The following ATRNL1 variants were observed in gnomAD, a reference collection of about 807,000 sequenced individuals.
ATRNL1 encodes the protein attractin like 1.
In ATRNL1, 95 loss-of-function variants were observed where a neutral mutation model predicts 182.7. The observed-to-expected ratio is 0.52, with a 90% CI of 0.44 to 0.62. The LOEUF is 0.62. Ranked by LOEUF, ATRNL1 falls within the 20% of genes least tolerant of loss-of-function variation. ATRNL1 has a pLI of 0.00. For synonymous variants in ATRNL1, 576 were observed against 568.3 expected (o/e 1.01, Z -0.19); for missense variants, 1,471 against 1,679.5 (o/e 0.88, Z 2.17).
At chr10:115,487,734 C>T (rs1250162969) in intron 24 of ATRNL1, among the ~76,000 whole-genome samples, 5 of 152,092 alleles carry the variant, frequency 3.3e-5, no homozygotes, top group African/African-American at 9.7e-5. Context: ...TTTCTCTTGC[C>T]TGATTGCCCT....
chr10:115,307,919 T>C (rs1409946307), intron 17 of ATRNL1, among the ~76,000 whole-genome samples: 1 of 126,318 alleles, frequency 7.9e-6, no homozygotes, highest in Non-Finnish European at 1.7e-5. Flanking sequence ...ATAAATTATA[T>C]ATATTTACAT....
chr10:115,451,040 G>T (rs583767), intron 21 of ATRNL1, among the ~76,000 whole-genome samples: 2,151 of 152,030 alleles, frequency 0.014, 14 homozygotes, highest in Non-Finnish European at 0.023. Flanking sequence ...TTTTCAATCA[G>T]TGGTGCTGGG....
intron 19 of ATRNL1, among the ~76,000 whole-genome samples, chr10:115,344,861 A>C (rs943762356): frequency 6.6e-6 from 1 of 152,192 alleles, no homozygotes; most frequent in Non-Finnish European, 1.5e-5. Flanking sequence ...GAATGCTTCC[A>C]GGACTGGGTC....
chr10:115,768,328 A>C (rs958193492), intron 27 of ATRNL1, among the ~76,000 whole-genome samples: 5 of 152,026 alleles, frequency 3.3e-5, no homozygotes, highest in Non-Finnish European at 7.4e-5. Flanking sequence ...TGTTGTAGAG[A>C]TGCTTAAAAA....
chr10:115,307,568 G>C (rs891090781), intron 17 of ATRNL1, among the ~76,000 whole-genome samples: 3 of 152,090 alleles, frequency 2.0e-5, no homozygotes, highest in Admixed American at 1.3e-4. Context: ...GGCCTCCACA[G>C]GTTTTTTATT....
intron 25 of ATRNL1, among the ~76,000 whole-genome samples, chr10:115,545,769 A>G (rs925277458): frequency 7.2e-5 from 11 of 152,218 alleles, no homozygotes; most frequent in Admixed American, 1.3e-4. Context: ...TATATACACT[A>G]TTATTTGCTA....
chr10:115,822,776 G>A (rs367956590), intron 27 of ATRNL1, among the ~76,000 whole-genome samples: 5 of 152,038 alleles, frequency 3.3e-5, no homozygotes, highest in South Asian at 2.1e-4. Flanking sequence ...TTCTGAAATC[G>A]AGGCAGTAAC....
intron 20 of ATRNL1, among the ~76,000 whole-genome samples, chr10:115,422,139 T>C (rs187421319): frequency 4.0e-4 from 61 of 152,274 alleles, no homozygotes; most frequent in Non-Finnish European, 1.2e-4. Context: ...CTGGCAAAGA[T>C]TTCATGACGA....
At position 115,215,881 on chromosome 10, in the gene ATRNL1, G is replaced by C; in HGVS notation, c.1532+1G>C. On this transcript the variant is annotated splice_donor_variant, in intron 9 of 28. Transcript: ENST00000355044. LOFTEE classifies it high-confidence loss of function. Reference sequence around the variant, plus strand: ...AATATGAAGTTAACACTAAGACTTGGTGAGTACACAAAATAACACATTTTC... The same window carrying C: ...AATATGAAGTTAACACTAAGACTTGCTGAGTACACAAAATAACACATTTTC... 6.5e-7 allele frequency: 1 copy of C among 1,531,474 alleles called. No individual in the cohort carries two copies. The highest frequency in any genetic ancestry group is 1.3e-5 in the South Asian group (1 of 76,710). 94.9% of individuals were successfully genotyped at this position (1,531,474 alleles called of 1,614,324 possible).
At chr10:115,237,443 T>C (rs2133809639) in intron 9 of ATRNL1, among the ~76,000 whole-genome samples, 1 of 152,352 alleles carries the variant, frequency 6.6e-6, no homozygotes, top group South Asian at 2.1e-4. Flanking sequence ...TGTGTAGTGG[T>C]ATTTCACTGT....
intron 20 of ATRNL1, among the ~76,000 whole-genome samples, chr10:115,424,242 C>G (rs1341840338): frequency 6.6e-6 from 1 of 152,124 alleles, no homozygotes; most frequent in Non-Finnish European, 1.5e-5. Context: ...CCACCTCACA[C>G]TAGTTAGAAT....
At chr10:115,822,088 C>T (rs1950314900) in intron 27 of ATRNL1, among the ~76,000 whole-genome samples, 1 of 152,140 alleles carries the variant, frequency 6.6e-6, no homozygotes, top group South Asian at 2.1e-4. Context: ...TCTCTTAGAC[C>T]ACAGTGCAAT....
chr10:115,686,554 T>A (rs548650674), intron 26 of ATRNL1, among the ~76,000 whole-genome samples: 1 of 152,026 alleles, frequency 6.6e-6, no homozygotes, highest in Admixed American at 6.6e-5. Context: ...CTCTATCTTA[T>A]TTATCTTTTC....
chr10:115,390,711 G>T (rs1226228224), intron 19 of ATRNL1, among the ~76,000 whole-genome samples: 2 of 152,078 alleles, frequency 1.3e-5, no homozygotes, highest in African/African-American at 4.8e-5. Context: ...CATTTTGTCA[G>T]AAATTGCATT....
intron 1 of ATRNL1, among the ~76,000 whole-genome samples, chr10:115,095,917 G>A (rs2085000468): frequency 6.6e-6 from 1 of 152,118 alleles, no homozygotes; most frequent in African/African-American, 2.4e-5. Flanking sequence ...GTCTAAAGAG[G>A]ACAAAATTTG....
In ATRNL1 at chr10:115,281,611, A is replaced by T. The variant is rs1852364595; in HGVS notation, c.2233+124A>T. ...AAGTCATAGTAAATATCAACCTATA[A>T]TATTGTAGTACTAATAACACTGTTT... On this transcript the variant is annotated intron_variant, in intron 14 of 28. Transcript: ENST00000355044. 4 of 936,220 alleles carry T rather than the reference A, an allele frequency of 4.3e-6. No individual in the cohort carries two copies. In the South Asian group the frequency reaches 7.4e-5, roughly 17 times the overall value. The allele number at this position is 936,220 out of a possible 1,614,324, so 58.0% of individuals were successfully genotyped here.
chr10:115,250,660 G>A (rs1850837810), intron 10 of ATRNL1, among the ~76,000 whole-genome samples: 1 of 152,146 alleles, frequency 6.6e-6, no homozygotes. Flanking sequence ...CTTTGTAATG[G>A]GAGTTGCAAG....
At chr10:115,469,857 G>A (rs566418451) in intron 24 of ATRNL1, among the ~76,000 whole-genome samples, 2 of 150,482 alleles carry the variant, frequency 1.3e-5, no homozygotes, top group South Asian at 2.1e-4. Context: ...TACTTAAGAC[G>A]TCAGATTTAC....
chr10:115,754,529 T>TTA (rs1948534368), intron 27 of ATRNL1, among the ~76,000 whole-genome samples: 2 of 152,044 alleles, frequency 1.3e-5, no homozygotes, highest in South Asian at 4.1e-4. Flanking sequence ...TTACATTGGT[T>TTA]TATATATCTG....
Sources: allele counts gnomAD v4.1 joint callset (sites outside exome capture counted in the v4.1 genomes callset), GRCh38; gene constraint gnomAD v4.1.1; transcripts MANE v1.5; gene names NCBI Gene and HGNC (gene_info 2026-07-23, HGNC 2026-07-21).